MRTFA: variants seen among roughly 807,000 people sequenced by gnomAD.
MRTFA encodes myocardin-related transcription factor A.
MRTFA carries 20 observed loss-of-function variants against 83.5 expected under a neutral mutation model. The observed-to-expected ratio is 0.24, with a 90% CI of 0.17 to 0.35. MRTFA has a LOEUF of 0.35. MRTFA is among the 10% of genes least tolerant of loss of function. MRTFA has a pLI of 1.00. For missense variants in MRTFA, 1,200 were observed against 1,224.7 expected (o/e 0.98, Z 0.30); for synonymous variants, 659 against 541.2 (o/e 1.22, Z -3.02).
chr22:40,416,965 C>T lies in MRTFA; in HGVS notation c.2578+21G>A. 1 of 1,584,894 alleles carries T rather than the reference C, an allele frequency of 6.3e-7. No individual in the cohort carries two copies. Among genetic ancestry groups the T allele is most frequent in the Non-Finnish European group, 8.6e-7 (1 of 1,164,922 alleles). On this transcript the variant is annotated intron_variant, in intron 14 of 14. Transcript: ENST00000355630. This position sits in a 1 kb window ranked among gnomAD's most constrained non-coding sequence, Gnocchi z 4.2. ...TGAACAGAGAAGGCCGTCAGGGAGG[C>T]AGCAGGGGACCTGGGGTTACCTCCG...
chr22:40,474,880 C>T (rs961086794), intron 3 of MRTFA, among the ~76,000 whole-genome samples: 3 of 152,024 alleles, frequency 2.0e-5, no homozygotes, highest in African/African-American at 4.8e-5. Flanking sequence ...GCTCTGTCAC[C>T]CAGGCTGGAG....
At chr22:40,415,451 ACTC>A (rs2052658525) in intron 14 of MRTFA, 1 of 151,576 alleles carries the variant, frequency 6.6e-6, no homozygotes, top group African/African-American at 2.4e-5. Context: ...CATCACATCT[ACTC>A]TGGTAGAGCT....
intron 3 of MRTFA, among the ~76,000 whole-genome samples, chr22:40,510,336 C>G (rs1319329325): frequency 6.6e-6 from 1 of 151,900 alleles, no homozygotes; most frequent in Non-Finnish European, 1.5e-5. Context: ...TAAGCAACTT[C>G]TCGGTGAAGG....
chr22:40,566,979 T>C (rs1165821000), intron 2 of MRTFA, among the ~76,000 whole-genome samples: 1 of 152,182 alleles, frequency 6.6e-6, no homozygotes, highest in Admixed American at 6.5e-5. Flanking sequence ...AATGTAATAA[T>C]GTTGTTTTGA....
intron 3 of MRTFA, among the ~76,000 whole-genome samples, chr22:40,502,226 G>C (rs1480255316): frequency 1.4e-5 from 2 of 144,518 alleles, no homozygotes; most frequent in African/African-American, 5.2e-5. Context: ...TTCCCAGATG[G>C]GGTGGCTGCC....
chr22:40,599,515 T>C (rs1227960578), intron 1 of MRTFA, among the ~76,000 whole-genome samples: 1 of 152,160 alleles, frequency 6.6e-6, no homozygotes, highest in Non-Finnish European at 1.5e-5. Context: ...AGCAATTTCA[T>C]AGAATTCTGG....
intron 2 of MRTFA, among the ~76,000 whole-genome samples, chr22:40,572,454 C>A: frequency 6.6e-6 from 1 of 151,466 alleles, no homozygotes. Context: ...CCACTGTAAT[C>A]CAGCCTGGGC....
At position 40,430,794 on chromosome 22, in the gene MRTFA, G is replaced by A. The variant is rs185545522; in HGVS notation, c.439+611C>T. The stretch of plus-strand genomic sequence containing the variant: ...AGAATCGCTTGAACCTGGAAGATAA[G>A]AGGTTGCAGTGAGCCATGATCACAC... On this transcript the variant is annotated intron_variant, in intron 6 of 14. Transcript: ENST00000355630. Among the ~76,000 whole-genome samples, 134 of 145,226 alleles carry A rather than the reference G, an allele frequency of 9.2e-4. 1 individual carries two copies. The Middle Eastern group carries it at 0.023, about 25-fold the overall frequency.
At chr22:40,485,269 T>C (rs921572063) in intron 3 of MRTFA, among the ~76,000 whole-genome samples, 82 of 152,258 alleles carry the variant, frequency 5.4e-4, no homozygotes, top group Non-Finnish European at 1.3e-4. Flanking sequence ...TTAACATCCA[T>C]CCCTAAGGAA....
chr22:40,502,418 A>G (rs1404651889), intron 3 of MRTFA, among the ~76,000 whole-genome samples: 1 of 116,146 alleles, frequency 8.6e-6, no homozygotes, highest in Admixed American at 8.1e-5. Flanking sequence ...CTCACATCCC[A>G]GATGGGGCGG....
intron 2 of MRTFA, among the ~76,000 whole-genome samples, chr22:40,593,891 T>G (rs538142508): frequency 7.9e-5 from 12 of 152,332 alleles, no homozygotes; most frequent in African/African-American, 2.6e-4. Flanking sequence ...CCTGTACCAA[T>G]AAGCAACGGG....
At chr22:40,596,312 CAAA>C in intron 1 of MRTFA, among the ~76,000 whole-genome samples, 1 of 152,080 alleles carries the variant, frequency 6.6e-6, no homozygotes, top group Non-Finnish European at 1.5e-5. Flanking sequence ...TGACTGTTAT[CAAA>C]AAAGGAGGGG....
chr22:40,447,253 C>T (rs2053397093), intron 4 of MRTFA, among the ~76,000 whole-genome samples: 2 of 150,714 alleles, frequency 1.3e-5, no homozygotes, highest in African/African-American at 2.4e-5. Flanking sequence ...TTGGGGGAGC[C>T]GAGGCAGGAG....
At chr22:40,504,967 A>C (rs1183248915) in intron 3 of MRTFA, among the ~76,000 whole-genome samples, 1 of 152,194 alleles carries the variant, frequency 6.6e-6, no homozygotes, top group African/African-American at 2.4e-5. Context: ...TTGTAGCATA[A>C]TGACTATATC....
intron 2 of MRTFA, among the ~76,000 whole-genome samples, chr22:40,571,260 C>T (rs2055789082): frequency 6.6e-6 from 1 of 151,968 alleles, no homozygotes; most frequent in Admixed American, 6.6e-5. Context: ...ACACCATACA[C>T]AAACATTATC....
Position 40,497,221 on chromosome 22 carries a change from A to G in MRTFA, c.242-33935T>C, listed in dbSNP as rs2147213405. On this transcript the variant is annotated intron_variant, in intron 3 of 14. Transcript: ENST00000355630. ...AGTTAGAGAAGGCCTCCAGGAGGAGAGAAGGCACCTGCACTGAAATCTAAA... is the reference window on the plus strand; with the variant it reads ...AGTTAGAGAAGGCCTCCAGGAGGAGGGAAGGCACCTGCACTGAAATCTAAA... Among the ~76,000 whole-genome samples, 2 of 152,334 alleles carry G rather than the reference A, an allele frequency of 1.3e-5. 1 individual carries two copies. Among genetic ancestry groups the G allele is most frequent in the African/African-American group, 4.8e-5 (2 of 41,578 alleles).
chr22:40,507,558 A>G (rs995714661), intron 3 of MRTFA, among the ~76,000 whole-genome samples: 1 of 152,038 alleles, frequency 6.6e-6, no homozygotes, highest in African/African-American at 2.4e-5. Context: ...TCAAGGCTGC[A>G]GTGAGCTATG....
Position 40,416,335 on chromosome 22 carries a change from C to G in MRTFA, c.2578+651G>C, listed in dbSNP as rs1297113758. ...CAAAGCCCAGCTCTCCAGTCGCCCC[C>G]CAACCTGGGGCTCCCTGCTTCTGCC... On this transcript the variant is annotated intron_variant, in intron 14 of 14. Transcript: ENST00000355630. The surrounding 1 kb of genome is among the most constrained non-coding windows in gnomAD (Gnocchi z 4.2). Among the ~76,000 whole-genome samples the G allele has an allele frequency of 6.6e-6, 1 of 152,252 alleles. No individual in the cohort carries two copies. The highest frequency in any genetic ancestry group is 1.5e-5 in the Non-Finnish European group (1 of 68,044).
intron 4 of MRTFA, among the ~76,000 whole-genome samples, chr22:40,442,852 G>T (rs929403396): frequency 1.3e-5 from 2 of 152,122 alleles, no homozygotes; most frequent in African/African-American, 2.4e-5. Context: ...AGGTATAAAA[G>T]AACAAGGCAA....
Sources: gnomAD v4.1 joint callset for allele counts (sites outside exome capture counted in the v4.1 genomes callset) on GRCh38, gnomAD v4.1.1 for gene constraint, Gnocchi (gnomAD v3.1) non-coding constraint, MANE v1.5 for transcripts, NCBI Gene and HGNC (gene_info 2026-07-23, HGNC 2026-07-21) for gene names.